PPWD1: variants seen among roughly 807,000 people sequenced by gnomAD.
PPWD1 encodes peptidylprolyl isomerase domain and WD repeat containing 1, also known as peptidylprolyl isomerase domain and WD repeat-containing protein 1.
PPWD1 carries 43 observed loss-of-function variants against 68.8 expected under a neutral mutation model. The ratio of observed to expected loss-of-function variants is 0.62; its 90% confidence interval spans 0.49 to 0.81. The LOEUF (loss-of-function observed/expected upper bound fraction) is 0.81. PPWD1 is among the 30% of genes least tolerant of loss of function. The pLI, the probability that PPWD1 is intolerant of heterozygous loss-of-function variation, is 0.00. For synonymous variants in PPWD1, 232 were observed against 258.7 expected (o/e 0.90, Z 0.99); for missense variants, 672 against 804.8 (o/e 0.83, Z 2.00).
chr5:65,576,384 T>C (rs1753280676), intron 5 of PPWD1: 1 of 972,424 alleles, frequency 1.0e-6, no homozygotes, highest in Non-Finnish European at 1.2e-6. Context: ...TTTTTTTTTT[T>C]TTTTTTTTTT....
rs768197268 is a variant in PPWD1, at chr5:65,569,883, A to G, written c.406A>G (p.Ile136Val). ...VKHFRSHLGV[I>V]ESIAVSSEGA... The stretch of plus-strand genomic sequence containing the variant: ...AATTTCATTTATTGAAATAGGAGTT[A>G]TTGAGAGTATTGCAGTTAGCTCTGA... Residue 136 changes from isoleucine to valine, a missense_variant, in exon 4 of 11, where the codon ATT becomes GTT. Physicochemically the swap from Ile to Val is conservative, Grantham distance 29. Transcript: ENST00000261308. The G allele has an allele frequency of 8.2e-5, 130 of 1,594,488 alleles. No homozygotes were observed. The highest frequency in any genetic ancestry group is 1.1e-4 in the Non-Finnish European group (125 of 1,163,936).
At chr5:65,578,782 GTGTATATATATATACATATATA>G (rs1753445300) in intron 6 of PPWD1, among the ~76,000 whole-genome samples, 1 of 120,296 alleles carries the variant, frequency 8.3e-6, no homozygotes, top group African/African-American at 2.9e-5. Flanking sequence ...ACATATATAT[GTGTATATATATATACATATATA>G]TGTGTATATA....
chr5:65,564,485 T>A (rs953800783), intron 1 of PPWD1, among the ~76,000 whole-genome samples: 1 of 152,120 alleles, frequency 6.6e-6, no homozygotes, highest in African/African-American at 2.4e-5. Context: ...CACGCCCAGC[T>A]AATTTTTGTA....
At chr5:65,568,016 T>C (rs1752853055) in intron 2 of PPWD1, 1 of 153,572 alleles carries the variant, frequency 6.5e-6, no homozygotes, top group South Asian at 2.0e-4. Flanking sequence ...AGAAGGATAA[T>C]AATAGTACAA....
intron 7 of PPWD1, among the ~76,000 whole-genome samples, chr5:65,581,164 A>T (rs37338): frequency 0.62 from 94,289 of 152,012 alleles, 29,508 homozygotes; most frequent in South Asian, 0.65. Context: ...ATGGGTAAAT[A>T]CTTTTAAGAT....
intron 2 of PPWD1, 146 bp from the exon 3 acceptor site, chr5:65,569,486 A>C (rs1030762068): frequency 6.5e-6 from 6 of 916,956 alleles, no homozygotes; most frequent in Non-Finnish European, 7.5e-6. Flanking sequence ...GTGTTCTGTA[A>C]TATAGTGGTC....
chr5:65,583,336 C>T (rs1753683507), intron 8 of PPWD1, 117 bp downstream of exon 8: 11 of 1,175,932 alleles, frequency 9.4e-6, no homozygotes, highest in African/African-American at 1.6e-5. Flanking sequence ...TTTGAAGAAA[C>T]GTTTGATAAA....
Position 65,572,025 on chromosome 5 carries a change from A to G in PPWD1, c.708A>G (p.Lys236=). Residue 236 remains lysine, a synonymous_variant, in exon 5 of 11, where the codon AAA becomes AAG. Transcript: ENST00000261308. ...LTQIRLNPVY[K]AVVSSDKSGM... ...AGATACGGCTAAACCCAGTTTACAA[A>G]GCAGTAGTGTCTTCTGACAAATCTG... 1 of 1,614,124 alleles carries G rather than the reference A, an allele frequency of 6.2e-7. No individual in the cohort carries two copies. The highest frequency in any genetic ancestry group is 8.5e-7 in the Non-Finnish European group (1 of 1,179,958).
chr5:65,584,916 G>A, intron 8 of PPWD1, 98 bp from the exon 9 acceptor site: 3 of 1,446,508 alleles, frequency 2.1e-6, no homozygotes, highest in South Asian at 1.5e-5. Flanking sequence ...ACATTCAGAA[G>A]ACATGGAAAG....
chr5:65,570,034 T>G, intron 4 of PPWD1, 36 bp downstream of exon 4: 2 of 1,529,154 alleles, frequency 1.3e-6, no homozygotes, highest in South Asian at 1.2e-5. Flanking sequence ...TTTTAACTTA[T>G]TGAAGTAATT....
intron 1 of PPWD1, among the ~76,000 whole-genome samples, chr5:65,566,820 CTTT>C (rs762925536): frequency 1.1e-5 from 1 of 94,760 alleles, no homozygotes; most frequent in African/African-American, 3.4e-5. Flanking sequence ...CCCTTTCTTT[CTTT>C]TTTTTTTTTT....
chr5:65,572,509 T>C (rs1377584492), intron 5 of PPWD1, among the ~76,000 whole-genome samples: 1 of 152,194 alleles, frequency 6.6e-6, no homozygotes, highest in African/African-American at 2.4e-5. Context: ...TATTGTCTTA[T>C]TTTTGTGGTT....
At chr5:65,582,506 A>T (rs1235785307) in intron 7 of PPWD1, 2 of 152,526 alleles carry the variant, frequency 1.3e-5, no homozygotes, top group Non-Finnish European at 2.9e-5. Context: ...AGTACCCTCT[A>T]TGTATTAGGC....
At chr5:65,564,042 T>C in intron 1 of PPWD1, 1 of 540,576 alleles carries the variant, frequency 1.8e-6, no homozygotes, top group Non-Finnish European at 3.2e-6. Context: ...TTTGTTTTCA[T>C]CCAAAACCCG....
In PPWD1 at chr5:65,579,482, C is replaced by A; in HGVS notation, c.1219C>A (p.Gln407Lys). 6.2e-7 allele frequency: 1 copy of A among 1,604,442 alleles called. No individual in the cohort carries two copies. Among genetic ancestry groups the A allele is most frequent in the South Asian group, 1.1e-5 (1 of 89,058 alleles). Residue 407 changes from glutamine to lysine, a missense_variant, in exon 7 of 11, where the codon CAG becomes AAG. By Grantham distance (53) the Gln-to-Lys change is moderately conservative. Coordinates refer to ENST00000261308, the MANE Select transcript of PPWD1 (RefSeq NM_015342.4). ...NIRVMQLALF[Q>K]GIAKKHRAAT... ...TAGAGTGATGCAATTGGCTTTGTTC[C>A]AGGGGATAGCCAAAAAGCATCGTGC...
intron 4 of PPWD1, among the ~76,000 whole-genome samples, chr5:65,571,342 A>C (rs1398979875): frequency 6.6e-6 from 1 of 152,218 alleles, no homozygotes; most frequent in Non-Finnish European, 1.5e-5. Context: ...GAGTTTTAAT[A>C]TCAAGATTTA....
chr5:65,568,901 TG>T (rs1178288648), intron 2 of PPWD1: 6 of 455,666 alleles, frequency 1.3e-5, no homozygotes, highest in Admixed American at 9.4e-5. Context: ...ATTTTTGTTT[TG>T]TTTTTTTAAC....
chr5:65,579,227 T>G lies in PPWD1; in HGVS notation c.1161-197T>G, dbSNP rs527455006. 209 of 902,812 alleles carry G rather than the reference T, an allele frequency of 2.3e-4. No individual in the cohort carries two copies. The African/African-American group carries it at 4.6e-3, about 20-fold the overall frequency. The allele number at this position is 902,812 out of a possible 1,614,324, so 55.9% of individuals were successfully genotyped here. ...CCACCGTGCCTGGCCTCATTTCTGTTTTTTAACCTGAAAATTATAGCTGCC... is the reference window on the plus strand; with the variant it reads ...CCACCGTGCCTGGCCTCATTTCTGTGTTTTAACCTGAAAATTATAGCTGCC... On this transcript the variant is annotated intron_variant, in intron 6 of 10. Transcript: ENST00000261308.
At chr5:65,577,695 G>A (rs1429857437) in intron 6 of PPWD1, among the ~76,000 whole-genome samples, 1 of 152,200 alleles carries the variant, frequency 6.6e-6, no homozygotes, top group Non-Finnish European at 1.5e-5. Flanking sequence ...GGTTAAAACT[G>A]TATAAACAAA....
Sources: gnomAD v4.1 joint callset for allele counts (sites outside exome capture counted in the v4.1 genomes callset) on GRCh38, gnomAD v4.1.1 for gene constraint, MANE v1.5 for transcripts, NCBI Gene and HGNC (gene_info 2026-07-23, HGNC 2026-07-21) for gene names.